The following SLC9A8 variants were observed in gnomAD, a reference collection of about 807,000 sequenced individuals.
The protein encoded by SLC9A8 is solute carrier family 9 member A8.
Under a neutral mutation model 66.6 loss-of-function variants are expected in SLC9A8, and 48 were observed. That is an observed-to-expected ratio of 0.72 (90% confidence interval 0.57 to 0.92). SLC9A8 has a LOEUF of 0.92. SLC9A8 is among the 40% of genes least tolerant of loss of function. The pLI is 0.00. For missense variants in SLC9A8, 599 were observed against 747.3 expected (o/e 0.80, Z 2.31); for synonymous variants, 274 against 282.6 (o/e 0.97, Z 0.31).
chr20:49,833,019 C>T (rs2087275466), intron 3 of SLC9A8, among the ~76,000 whole-genome samples: 1 of 152,096 alleles, frequency 6.6e-6, no homozygotes, highest in South Asian at 2.1e-4. Flanking sequence ...GATTCTCCCA[C>T]CTCAGCCTCC....
Position 49,886,585 on chromosome 20 carries a change from T to G in SLC9A8, c.1492-167T>G, listed in dbSNP as rs1474757088. 2.7e-6 allele frequency: 2 copies of G among 730,026 alleles called. No individual in the cohort carries two copies. The highest frequency in any genetic ancestry group is 3.5e-5 in the African/African-American group (2 of 56,416). 45.2% of individuals were successfully genotyped at this position (730,026 alleles called of 1,614,324 possible). On this transcript the variant is annotated intron_variant, in intron 14 of 15. Transcript: ENST00000361573. The surrounding 1 kb of genome is among the most constrained non-coding windows in gnomAD (Gnocchi z 4.8). ...TTGTGCCCTGATGGACGTTCCTGCCTCCCTGCAGGCTCCCAGGAGGCCGTC... is the reference window on the plus strand; with the variant it reads ...TTGTGCCCTGATGGACGTTCCTGCCGCCCTGCAGGCTCCCAGGAGGCCGTC...
intron 8 of SLC9A8, among the ~76,000 whole-genome samples, chr20:49,859,318 G>C (rs1351481364): frequency 6.6e-6 from 1 of 152,182 alleles, no homozygotes; most frequent in African/African-American, 2.4e-5. Flanking sequence ...GTAGAGAAGT[G>C]AACATGGTGC....
At chr20:49,880,831 T>C in intron 12 of SLC9A8, 93 bp from the exon 13 acceptor site, 1 of 811,166 alleles carries the variant, frequency 1.2e-6, no homozygotes, top group East Asian at 2.5e-5. Flanking sequence ...TTGTACTGGA[T>C]GTGTTACACA....
chr20:49,830,298 A>T, intron 3 of SLC9A8: 1 of 1,148,198 alleles, frequency 8.7e-7, no homozygotes, highest in Non-Finnish European at 1.3e-6. Flanking sequence ...AATGGGTCAC[A>T]CAGTGACTGT....
chr20:49,814,992 T>C lies in SLC9A8; in HGVS notation c.27-16T>C. On this transcript the variant is annotated splice_polypyrimidine_tract_variant and intron_variant, in intron 1 of 15. Transcript: ENST00000361573. Reference sequence around the variant, plus strand: ...ACCCTTTTCCATTATCTAATTATGCTTTCTATGTCCTCCAGGAGGTTCCCC... The same window carrying C: ...ACCCTTTTCCATTATCTAATTATGCCTTCTATGTCCTCCAGGAGGTTCCCC... 2 of 1,500,948 alleles carry C rather than the reference T, an allele frequency of 1.3e-6. No homozygotes were observed. The highest frequency in any genetic ancestry group is 1.8e-6 in the Non-Finnish European group (2 of 1,117,698). The allele number at this position is 1,500,948 out of a possible 1,614,324, so 93.0% of individuals were successfully genotyped here.
intron 11 of SLC9A8, 106 bp downstream of exon 11, chr20:49,874,927 C>A: frequency 1.3e-6 from 1 of 784,720 alleles, no homozygotes; most frequent in Non-Finnish European, 2.3e-6. Context: ...AGCAGGGCAG[C>A]AGCTCCTCAG....
rs1250415757 is a variant in SLC9A8, at chr20:49,886,939, C to T, written c.1638+41C>T. On this transcript the variant is annotated intron_variant, in intron 15 of 15. Transcript: ENST00000361573. The surrounding 1 kb of genome is among the most constrained non-coding windows in gnomAD (Gnocchi z 4.8). Reference sequence around the variant, plus strand: ...GGCCACACTTTCTGGGGGTCCCTTGCCTGCCTCCTTCAGGACCTGCGGTGG... The same window carrying T: ...GGCCACACTTTCTGGGGGTCCCTTGTCTGCCTCCTTCAGGACCTGCGGTGG... 5.0e-6 allele frequency: 8 copies of T among 1,587,274 alleles called. No homozygotes were observed. The South Asian group carries it at 8.0e-5, about 16-fold the overall frequency.
intron 3 of SLC9A8, chr20:49,831,071 G>T (rs572909383): frequency 1.4e-6 from 1 of 697,904 alleles, no homozygotes; most frequent in East Asian, 2.7e-5. Context: ...TGTGTCCTGA[G>T]CCTGCATACA....
At chr20:49,840,377 A>T (rs2146564089) in intron 4 of SLC9A8, among the ~76,000 whole-genome samples, 1 of 152,276 alleles carries the variant, frequency 6.6e-6, no homozygotes, top group Non-Finnish European at 1.5e-5. Context: ...GATTTTGTGG[A>T]GGGAAATAAG....
chr20:49,887,967 C>T lies in SLC9A8; in HGVS notation c.*31C>T. The stretch of plus-strand genomic sequence containing the variant: ...GGTGCCAAGGCTTCAGGCAGGCAGG[C>T]CCAGGATGGGCGTTTGCTGCGCACA... On this transcript the variant is annotated 3_prime_UTR_variant, in exon 16 of 16. Coordinates refer to ENST00000361573, the MANE Select transcript of SLC9A8 (RefSeq NM_015266.3). 4 of 1,559,066 alleles carry T rather than the reference C, an allele frequency of 2.6e-6. No homozygotes were observed. Among genetic ancestry groups the T allele is most frequent in the Middle Eastern group, 1.7e-4 (1 of 5,952 alleles).
intron 6 of SLC9A8, among the ~76,000 whole-genome samples, chr20:49,850,554 A>G (rs1329926273): frequency 6.6e-6 from 1 of 152,218 alleles, no homozygotes; most frequent in Non-Finnish European, 1.5e-5. Context: ...TCTAGTATTA[A>G]GTAAGAATAA....
At chr20:49,821,021 G>T (rs1410551763) in intron 2 of SLC9A8, among the ~76,000 whole-genome samples, 2 of 152,008 alleles carry the variant, frequency 1.3e-5, no homozygotes, top group African/African-American at 4.8e-5. Context: ...TTTATATATT[G>T]TGGATAGTAC....
intron 8 of SLC9A8, among the ~76,000 whole-genome samples, chr20:49,862,387 G>A (rs1600753060): frequency 6.6e-6 from 1 of 151,932 alleles, no homozygotes; most frequent in Admixed American, 6.6e-5. Flanking sequence ...TCAGCCTCCC[G>A]AGTAGCTGGG....
At chr20:49,843,756 G>A (rs992632304) in intron 4 of SLC9A8, among the ~76,000 whole-genome samples, 1 of 152,156 alleles carries the variant, frequency 6.6e-6, no homozygotes, top group Admixed American at 6.5e-5. Context: ...AAATCTGGAA[G>A]CATGGTGCTA....
chr20:49,860,430 C>T (rs2088683903), intron 8 of SLC9A8, among the ~76,000 whole-genome samples: 1 of 152,046 alleles, frequency 6.6e-6, no homozygotes, highest in African/African-American at 2.4e-5. Context: ...TGATACCAAT[C>T]CTGGGGCCTG....
intron 8 of SLC9A8, among the ~76,000 whole-genome samples, chr20:49,858,150 T>C (rs2088584571): frequency 6.6e-6 from 1 of 152,188 alleles, no homozygotes; most frequent in African/African-American, 2.4e-5. Flanking sequence ...AACAGTCTTC[T>C]GGAAAATAAT....
chr20:49,875,781 C>G (rs1014183433), intron 11 of SLC9A8, among the ~76,000 whole-genome samples: 3 of 151,822 alleles, frequency 2.0e-5, no homozygotes, highest in African/African-American at 7.3e-5. Context: ...GTCGCCCAGG[C>G]TGGGGTGCAG....
chr20:49,827,978 G>A (rs1174325424), intron 3 of SLC9A8, among the ~76,000 whole-genome samples: 3 of 151,228 alleles, frequency 2.0e-5, no homozygotes, highest in African/African-American at 7.3e-5. Flanking sequence ...TGTTTTTTAA[G>A]GATAGTACTT....
chr20:49,882,452 T>C (rs1296411443), intron 13 of SLC9A8, among the ~76,000 whole-genome samples: 1 of 152,186 alleles, frequency 6.6e-6, no homozygotes, highest in Non-Finnish European at 1.5e-5. Flanking sequence ...CTCCTTGGGC[T>C]CGTCCCCCTT....
Sources: gnomAD v4.1 joint callset for allele counts (sites outside exome capture counted in the v4.1 genomes callset) on GRCh38, gnomAD v4.1.1 for gene constraint, Gnocchi (gnomAD v3.1) non-coding constraint, MANE v1.5 for transcripts, NCBI Gene and HGNC (gene_info 2026-07-23, HGNC 2026-07-21) for gene names.